EPHA5: variants seen among roughly 807,000 people sequenced by gnomAD.
EPHA5 encodes ephrin type-A receptor 5.
EPHA5 carries 60 observed loss-of-function variants against 105.0 expected under a neutral mutation model. That is an observed-to-expected ratio of 0.57 (90% CI 0.46 to 0.71). The LOEUF (loss-of-function observed/expected upper bound fraction) is 0.71, where lower values mean the gene tolerates loss of function less well. Among genes scored for constraint, EPHA5 ranks in the 30% least tolerant of loss-of-function variants. The pLI, the probability that EPHA5 is intolerant of heterozygous loss-of-function variation, is 0.00. For synonymous variants in EPHA5, 513 were observed against 449.1 expected (o/e 1.14, Z -1.80); for missense variants, 1,218 against 1,274.7 (o/e 0.96, Z 0.68).
chr4:65,443,385 AG>A (rs924069042), intron 5 of EPHA5, among the ~76,000 whole-genome samples: 3 of 151,604 alleles, frequency 2.0e-5, no homozygotes, highest in African/African-American at 7.3e-5. Flanking sequence ...ATTTCAACAG[AG>A]GGCATTTAAT....
chr4:65,668,430 G>A (rs568845392), intron 1 of EPHA5, among the ~76,000 whole-genome samples: 3 of 152,284 alleles, frequency 2.0e-5, no homozygotes, highest in South Asian at 2.1e-4. Flanking sequence ...AGCCAAAGTG[G>A]GTAGGTTTTT....
chr4:65,481,522 C>A (rs139958840), intron 5 of EPHA5, among the ~76,000 whole-genome samples: 6 of 152,312 alleles, frequency 3.9e-5, no homozygotes, highest in Admixed American at 2.0e-4. Flanking sequence ...TTCATTTCTT[C>A]AATATCAAGT....
chr4:65,627,909 A>C (rs967984046), intron 2 of EPHA5, among the ~76,000 whole-genome samples: 3 of 152,154 alleles, frequency 2.0e-5, no homozygotes, highest in African/African-American at 7.2e-5. Context: ...ATAAAAGCAT[A>C]AACTATGTGT....
At chr4:65,583,345 C>T (rs1026370099) in intron 3 of EPHA5, among the ~76,000 whole-genome samples, 2 of 151,594 alleles carry the variant, frequency 1.3e-5, no homozygotes, top group Admixed American at 6.6e-5. Context: ...TAAGCAATAA[C>T]AATCTATGTT....
chr4:65,367,206 T>C, intron 9 of EPHA5, 151 bp downstream of exon 9: 1 of 621,938 alleles, frequency 1.6e-6, no homozygotes, highest in Admixed American at 3.0e-5. Context: ...GCCCGTATTC[T>C]TTACAGGAAT....
At chr4:65,535,969 T>G (rs932834633) in intron 3 of EPHA5, among the ~76,000 whole-genome samples, 1 of 152,056 alleles carries the variant, frequency 6.6e-6, no homozygotes, top group African/African-American at 2.4e-5. Flanking sequence ...TTTGTCTTTA[T>G]ACATTTTTAA....
intron 3 of EPHA5, among the ~76,000 whole-genome samples, chr4:65,530,766 G>A (rs1735690825): frequency 6.6e-6 from 1 of 152,052 alleles, no homozygotes; most frequent in African/African-American, 2.4e-5. Context: ...ATGGATAATA[G>A]TACTATGGTG....
chr4:65,372,556 T>C (rs1718583775), intron 8 of EPHA5, among the ~76,000 whole-genome samples: 1 of 151,894 alleles, frequency 6.6e-6, no homozygotes. Flanking sequence ...GGGCAACTAA[T>C]CTATTTTTAC....
At chr4:65,419,399 G>C (rs1412060060) in intron 6 of EPHA5, among the ~76,000 whole-genome samples, 1 of 152,140 alleles carries the variant, frequency 6.6e-6, no homozygotes, top group East Asian at 1.9e-4. Context: ...AAAAAACGAA[G>C]GAGTGATGTC....
At chr4:65,383,158 T>C (rs1719735388) in intron 8 of EPHA5, among the ~76,000 whole-genome samples, 1 of 150,342 alleles carries the variant, frequency 6.7e-6, no homozygotes, top group South Asian at 2.1e-4. Context: ...TCAATAATGA[T>C]GTATATATAT....
intron 1 of EPHA5, among the ~76,000 whole-genome samples, chr4:65,651,517 T>C (rs1748607445): frequency 6.6e-6 from 1 of 152,218 alleles, no homozygotes; most frequent in Non-Finnish European, 1.5e-5. Context: ...ATTTAAAAAC[T>C]AGTCACTTAA....
intron 16 of EPHA5, among the ~76,000 whole-genome samples, chr4:65,327,274 G>T (rs1720173399): frequency 6.6e-6 from 1 of 151,146 alleles, no homozygotes; most frequent in Non-Finnish European, 1.5e-5. Context: ...AGTTAAATTT[G>T]TTTGAATTTT....
At position 65,323,005 on chromosome 4, in the gene EPHA5, C is replaced by T. The variant is rs982892132; in HGVS notation, c.*1109G>A. 2.6e-5 allele frequency: 6 copies of T among 229,058 alleles called. No individual in the cohort carries two copies. Among genetic ancestry groups the T allele is most frequent in the African/African-American group, 1.3e-4 (6 of 45,050 alleles). 14.2% of individuals were successfully genotyped at this position (229,058 alleles called of 1,614,324 possible). A position where few individuals can be genotyped will look rare whatever the true frequency, so the allele number is the denominator to read the frequency against. ...TTAACAGAAGCCTGCACAGTTAAAT[C>T]CTTCTACATCCTGCTGAAAATGTGC... On this transcript the variant is annotated 3_prime_UTR_variant, in exon 17 of 17. Transcript: ENST00000613740.
At chr4:65,439,199 A>C (rs1725775203) in intron 5 of EPHA5, among the ~76,000 whole-genome samples, 1 of 152,292 alleles carries the variant, frequency 6.6e-6, no homozygotes, top group East Asian at 1.9e-4. Context: ...AATAGGAGTT[A>C]TATCCTAGAA....
At chr4:65,647,559 C>T (rs182166954) in intron 1 of EPHA5, among the ~76,000 whole-genome samples, 58 of 151,970 alleles carry the variant, frequency 3.8e-4, no homozygotes, top group African/African-American at 1.4e-3. Context: ...TCTTATTGTA[C>T]AACTTAATTA....
intron 3 of EPHA5, among the ~76,000 whole-genome samples, chr4:65,576,146 AAAG>A (rs781399522): frequency 2.0e-5 from 3 of 150,066 alleles, no homozygotes; most frequent in Non-Finnish European, 3.0e-5. Context: ...AAAGAAAGAA[AAAG>A]AAAGAGAGAG....
At chr4:65,664,368 C>T (rs376074686) in intron 1 of EPHA5, among the ~76,000 whole-genome samples, 96 of 151,968 alleles carry the variant, frequency 6.3e-4, no homozygotes, top group African/African-American at 2.2e-3. Flanking sequence ...TAATGCATCT[C>T]ACTCAATAAA....
intron 3 of EPHA5, among the ~76,000 whole-genome samples, chr4:65,503,564 C>T (rs1226165290): frequency 2.0e-5 from 3 of 151,536 alleles, no homozygotes; most frequent in Non-Finnish European, 4.4e-5. Context: ...TCTCTCAATA[C>T]AATGTATTTT....
At chr4:65,372,892 T>C (rs1301156040) in intron 8 of EPHA5, among the ~76,000 whole-genome samples, 1 of 151,998 alleles carries the variant, frequency 6.6e-6, no homozygotes, top group East Asian at 1.9e-4. Context: ...ATTCTTCAAA[T>C]CCTTTTAGAA....
Sources: gnomAD v4.1 joint callset for allele counts (sites outside exome capture counted in the v4.1 genomes callset) on GRCh38, gnomAD v4.1.1 for gene constraint, MANE v1.5 for transcripts, NCBI Gene and HGNC (gene_info 2026-07-23, HGNC 2026-07-21) for gene names.